RBMS3: variants seen among roughly 807,000 people sequenced by gnomAD.
RBMS3 encodes the protein RNA binding motif single stranded interacting protein 3, also known as RNA-binding motif, single-stranded-interacting protein 3.
RBMS3 carries 27 observed loss-of-function variants against 66.8 expected under a neutral mutation model. The observed-to-expected ratio is 0.40, with a 90% CI of 0.30 to 0.56. RBMS3 has a LOEUF of 0.56. RBMS3 is among the 20% of genes least tolerant of loss of function. RBMS3 has a pLI of 0.40. For missense variants in RBMS3, 513 were observed against 549.5 expected, an observed-to-expected ratio of 0.93 and a Z score of 0.66; for synonymous variants, 188 against 183.0, an observed-to-expected ratio of 1.03 and a Z score of -0.22.
At chr3:29,646,535 C>A (rs189203965) in intron 4 of RBMS3, among the ~76,000 whole-genome samples, 9 of 152,168 alleles carry the variant, frequency 5.9e-5, no homozygotes, top group Admixed American at 2.0e-4. Context: ...GTTTCACTAC[C>A]GTTAATATGT....
At chr3:29,988,774 C>T (rs1246638633) in intron 13 of RBMS3, among the ~76,000 whole-genome samples, 2 of 151,562 alleles carry the variant, frequency 1.3e-5, no homozygotes, top group Non-Finnish European at 2.9e-5. Flanking sequence ...GAAGGAAGAT[C>T]AGAAGGAAGA....
intron 4 of RBMS3, among the ~76,000 whole-genome samples, chr3:29,623,436 C>CA (rs1458493565): frequency 2.0e-5 from 3 of 151,474 alleles, no homozygotes; most frequent in East Asian, 2.0e-4. Flanking sequence ...ACTAAAAATA[C>CA]AAAAAATTAG....
chr3:29,974,870 TTA>T, intron 12 of RBMS3, among the ~76,000 whole-genome samples: 1 of 144,722 alleles, frequency 6.9e-6, no homozygotes, highest in East Asian at 2.0e-4. Context: ...GTTTCTATAT[TTA>T]TATATTTTAT....
intron 1 of RBMS3, among the ~76,000 whole-genome samples, chr3:29,360,168 T>TTAGAGTTTCTG (rs2037485561): frequency 6.6e-6 from 1 of 152,228 alleles, no homozygotes; most frequent in African/African-American, 2.4e-5. Context: ...TTTTCTGCTT[T>TTAGAGTTTCTG]CTCTTGTGGG....
chr3:29,708,565 A>C (rs79960783), intron 4 of RBMS3, among the ~76,000 whole-genome samples: 4,296 of 152,142 alleles, frequency 0.028, 86 homozygotes, highest in Admixed American at 0.064. Context: ...TTTCTTTTTC[A>C]TTGTCATTTC....
chr3:29,653,294 G>A (rs2050207312), intron 4 of RBMS3, among the ~76,000 whole-genome samples: 1 of 152,098 alleles, frequency 6.6e-6, no homozygotes, highest in Non-Finnish European at 1.5e-5. Context: ...TATATTGCAT[G>A]GTTGTTTTAG....
At position 29,302,644 on chromosome 3, in the gene RBMS3, A is replaced by T. The variant is rs568392614; in HGVS notation, c.75+20888A>T. Among the ~76,000 whole-genome samples the T allele has an allele frequency of 3.3e-5, 5 of 152,208 alleles. No individual in the cohort carries two copies. In the East Asian group the frequency reaches 9.7e-4, roughly 30 times the overall value. On this transcript the variant is annotated intron_variant, in intron 1 of 14. Transcript: ENST00000383767. ...AACTTAATCAGTAATTTTAAAATAT[A>T]TCTAAAGGAAGACTACGCCACAGAA...
chr3:29,692,063 C>A lies in RBMS3; in HGVS notation c.400-47657C>A, dbSNP rs920332441. ...CTCCTGGGATCTCGGCTCACTGCAA[C>A]CTTTGCCTCCTGGATTCAAGCAATT... On this transcript the variant is annotated intron_variant, in intron 4 of 14. Transcript: ENST00000383767. 4.0e-5 allele frequency among the ~76,000 whole-genome samples: 6 copies of A among 150,514 alleles called. No individual in the cohort carries two copies. In the Admixed American group the frequency reaches 4.0e-4, roughly 10 times the overall value.
chr3:29,622,857 A>AGCTGTAATCCCAGTTTTGGGAG (rs2048914497), intron 4 of RBMS3, among the ~76,000 whole-genome samples: 1 of 152,136 alleles, frequency 6.6e-6, no homozygotes, highest in Non-Finnish European at 1.5e-5. Context: ...GGTGGCTCAC[A>AGCTGTAATCCCAGTTTTGGGAG]GCTGTAATCC....
At chr3:29,641,739 CTGAGGTAACATTTGT>C (rs1284271058) in intron 4 of RBMS3, among the ~76,000 whole-genome samples, 1 of 151,920 alleles carries the variant, frequency 6.6e-6, no homozygotes, top group African/African-American at 2.4e-5. Context: ...GTCATATTCA[CTGAGGTAACATTTGT>C]TGAGCATCTA....
chr3:29,868,915 A>C lies in RBMS3; in HGVS notation c.695A>C (p.Asn232Thr), dbSNP rs941926635. Residue 232 changes from asparagine (N) to threonine (T), a missense_variant, in exon 7 of 15, where the codon AAT becomes ACT. Asn to Thr is a moderately conservative substitution (Grantham distance 65). Coordinates refer to ENST00000383767, the MANE Select transcript of RBMS3 (RefSeq NM_001003793.3). ...GATGGAGGACAAAAGAAGCGACAGAATCAAAGCAAATATACCCAGAATGGG... is the reference window on the plus strand; with the variant it reads ...GATGGAGGACAAAAGAAGCGACAGACTCAAAGCAAATATACCCAGAATGGG... ...FADGGQKKRQNQSKYTQNGRP... is the reference protein window; with the variant it reads ...FADGGQKKRQTQSKYTQNGRP... 8.7e-6 allele frequency: 14 copies of C among 1,604,692 alleles called. No homozygotes were observed. The highest frequency in any genetic ancestry group is 1.1e-5 in the Non-Finnish European group (13 of 1,175,078).
chr3:29,335,817 C>T (rs546618096), intron 1 of RBMS3, among the ~76,000 whole-genome samples: 2 of 152,080 alleles, frequency 1.3e-5, no homozygotes, highest in South Asian at 4.2e-4. Context: ...ATCTTTTTCT[C>T]TCTTCCCTCC....
intron 1 of RBMS3, among the ~76,000 whole-genome samples, chr3:29,363,813 A>AC (rs1559519365): frequency 6.6e-6 from 1 of 150,432 alleles, no homozygotes; most frequent in African/African-American, 2.5e-5. Context: ...AAAAAAAAAA[A>AC]AACCTGTTTT....
At chr3:29,418,705 G>T (rs1184025746) in intron 1 of RBMS3, among the ~76,000 whole-genome samples, 1 of 152,080 alleles carries the variant, frequency 6.6e-6, no homozygotes, top group Non-Finnish European at 1.5e-5. Context: ...TCTAGAGGGT[G>T]CCTATTTTCA....
chr3:29,537,823 A>G (rs1489999435), intron 3 of RBMS3, among the ~76,000 whole-genome samples: 1 of 108,228 alleles, frequency 9.2e-6, no homozygotes, highest in Non-Finnish European at 1.9e-5. Flanking sequence ...ACTCCACCTC[A>G]AAAAAAAAAA....
At chr3:29,451,576 T>G (rs55942144) in intron 2 of RBMS3, among the ~76,000 whole-genome samples, 27,541 of 149,346 alleles carry the variant, frequency 0.18, 3,456 homozygotes, top group African/African-American at 0.35. Flanking sequence ...TTTTGTGGTT[T>G]TTGTTTTTTT....
chr3:29,914,730 T>A (rs2060596822), intron 10 of RBMS3, among the ~76,000 whole-genome samples: 1 of 151,852 alleles, frequency 6.6e-6, no homozygotes, highest in Admixed American at 6.6e-5. Flanking sequence ...ACCACAGTGA[T>A]AAGTTAGGAA....
Position 29,570,100 on chromosome 3 carries a change from T to C in RBMS3, c.308-17014T>C, listed in dbSNP as rs77973734. 6.7e-3 allele frequency among the ~76,000 whole-genome samples: 1,025 copies of C among 152,246 alleles called. 30 individuals are homozygous for C. Among genetic ancestry groups the C allele is most frequent in the Admixed American group, 0.054 (819 of 15,268 alleles). On this transcript the variant is annotated intron_variant, in intron 3 of 14. Coordinates refer to ENST00000383767, the MANE Select transcript of RBMS3 (RefSeq NM_001003793.3). ...GGATGGTGGCATCATAGCTAATTTCTCTTTGTATTGGCTGAATTACTATAA... is the reference window on the plus strand; with the variant it reads ...GGATGGTGGCATCATAGCTAATTTCCCTTTGTATTGGCTGAATTACTATAA...
At chr3:29,795,215 A>C (rs1448738778) in intron 6 of RBMS3, among the ~76,000 whole-genome samples, 2 of 152,224 alleles carry the variant, frequency 1.3e-5, no homozygotes, top group Non-Finnish European at 2.9e-5. Flanking sequence ...TTAGCAATCC[A>C]GGATTTCCTG....
Sources: allele counts gnomAD v4.1 joint callset (sites outside exome capture counted in the v4.1 genomes callset), GRCh38; gene constraint gnomAD v4.1.1; transcripts MANE v1.5; gene names NCBI Gene and HGNC (gene_info 2026-07-23, HGNC 2026-07-21).